TRPM3: variants seen among roughly 807,000 people sequenced by gnomAD.
TRPM3 encodes the protein long transient receptor potential channel 3.
TRPM3 carries 77 observed loss-of-function variants against 181.2 expected under a neutral mutation model. The observed-to-expected ratio is 0.42, with a 90% confidence interval of 0.35 to 0.51. TRPM3 has a LOEUF of 0.51. Among genes scored for constraint, TRPM3 ranks in the 20% least tolerant of loss-of-function variants. The pLI, the probability that TRPM3 is intolerant of heterozygous loss-of-function variation, is 0.01. For missense variants in TRPM3, 1,759 were observed against 2,196.7 expected, an observed-to-expected ratio of 0.80 and a Z score of 3.98; for synonymous variants, 745 against 796.4, an observed-to-expected ratio of 0.94 and a Z score of 1.09.
At chr9:71,392,090 A>G (rs1296429277) in intron 1 of TRPM3, among the ~76,000 whole-genome samples, 4 of 152,138 alleles carry the variant, frequency 2.6e-5, no homozygotes, top group African/African-American at 9.6e-5. Flanking sequence ...GCAGAAACTA[A>G]AAAGAGAAAA....
chr9:70,556,390 A>G lies in TRPM3; in HGVS notation c.3224-3080T>C, dbSNP rs190369402. On this transcript the variant is annotated intron_variant, in intron 22 of 25. Transcript: ENST00000677713. ...TTACTCATCCTGCTTTAACAGAGGT[A>G]GTATTAATTTAGTGGTTAGGAACAT... Among the ~76,000 whole-genome samples, 219 of 152,164 alleles carry G rather than the reference A, an allele frequency of 1.4e-3. 1 individual carries two copies. The highest frequency in any genetic ancestry group is 3.1e-4 in the Non-Finnish European group (21 of 68,012).
At chr9:70,830,355 G>T (rs1205629297) in intron 5 of TRPM3, among the ~76,000 whole-genome samples, 2 of 152,136 alleles carry the variant, frequency 1.3e-5, no homozygotes, top group African/African-American at 2.4e-5. Context: ...GTATTCTAAG[G>T]ACGTGGGTGC....
chr9:71,099,411 G>T (rs942985404), intron 1 of TRPM3, among the ~76,000 whole-genome samples: 2 of 152,102 alleles, frequency 1.3e-5, no homozygotes, highest in Admixed American at 6.6e-5. Context: ...GACCATATCA[G>T]TCAGTACTTG....
intron 3 of TRPM3, among the ~76,000 whole-genome samples, chr9:70,848,406 G>T (rs893299232): frequency 1.3e-5 from 2 of 152,114 alleles, no homozygotes; most frequent in Admixed American, 1.3e-4. Flanking sequence ...GAGATGATGG[G>T]GAGGAGGCAA....
At chr9:71,320,247 T>A (rs952588734) in intron 1 of TRPM3, among the ~76,000 whole-genome samples, 1 of 151,646 alleles carries the variant, frequency 6.6e-6, no homozygotes, top group African/African-American at 2.4e-5. Flanking sequence ...AGAACAGCAA[T>A]ACAGAGTGAA....
chr9:71,389,625 C>T (rs533439487), intron 1 of TRPM3, among the ~76,000 whole-genome samples: 6 of 152,056 alleles, frequency 3.9e-5, no homozygotes, highest in African/African-American at 1.4e-4. Flanking sequence ...CTGTGGTGTA[C>T]ATATATAAGA....
intron 1 of TRPM3, among the ~76,000 whole-genome samples, chr9:71,432,495 C>T (rs1418527636): frequency 7.7e-6 from 1 of 129,676 alleles, no homozygotes; most frequent in Non-Finnish European, 1.8e-5. Flanking sequence ...ACCTTCAAAG[C>T]AATGAGCTCT....
chr9:71,390,287 C>G (rs2093032074), intron 1 of TRPM3, among the ~76,000 whole-genome samples: 1 of 151,998 alleles, frequency 6.6e-6, no homozygotes, highest in East Asian at 1.9e-4. Context: ...AATGAATTTA[C>G]TATGTTTTTT....
At chr9:70,831,337 A>C (rs1460967889) in intron 5 of TRPM3, among the ~76,000 whole-genome samples, 1 of 152,144 alleles carries the variant, frequency 6.6e-6, no homozygotes, top group Admixed American at 6.5e-5. Flanking sequence ...CTTCTGAAAA[A>C]ATTTTGGAAG....
chr9:71,282,340 GAAAGA>G (rs1565418871), intron 1 of TRPM3, among the ~76,000 whole-genome samples: 1 of 93,640 alleles, frequency 1.1e-5, no homozygotes, highest in East Asian at 2.2e-4. Context: ...AAGAGAGAAA[GAAAGA>G]AAAGAAAGAA....
chr9:71,114,451 T>C (rs2071839281), intron 1 of TRPM3, among the ~76,000 whole-genome samples: 1 of 152,220 alleles, frequency 6.6e-6, no homozygotes, highest in Non-Finnish European at 1.5e-5. Context: ...CATTCTATTT[T>C]TTTCATATTA....
At position 71,013,666 on chromosome 9, in the gene TRPM3, A is replaced by C. The variant is rs983583022; in HGVS notation, c.177+107512T>G. Among the ~76,000 whole-genome samples the C allele has an allele frequency of 3.3e-5, 5 of 152,136 alleles. No individual in the cohort carries two copies. In the East Asian group the frequency reaches 9.7e-4, roughly 29 times the overall value. ...AATTTTGATAAATCATATTATCCTA[A>C]GAAATTACCCATTTCAGTTAGATTT... On this transcript the variant is annotated intron_variant, in intron 1 of 25. Coordinates refer to ENST00000677713, the MANE Select transcript of TRPM3 (RefSeq NM_001366145.2).
At chr9:71,004,405 T>C (rs1017812061) in intron 1 of TRPM3, among the ~76,000 whole-genome samples, 1 of 152,232 alleles carries the variant, frequency 6.6e-6, no homozygotes, top group Admixed American at 6.5e-5. Context: ...ATTCCAATGC[T>C]CACTGTAAGT....
At chr9:70,898,344 G>A (rs150493625) in intron 1 of TRPM3, among the ~76,000 whole-genome samples, 10,875 of 151,164 alleles carry the variant, frequency 0.072, 428 homozygotes, top group African/African-American at 0.088. Flanking sequence ...GGATGGTCTC[G>A]ATCTCCTGAC....
At chr9:70,751,508 T>C (rs2076127483) in intron 8 of TRPM3, among the ~76,000 whole-genome samples, 1 of 151,742 alleles carries the variant, frequency 6.6e-6, no homozygotes, top group Admixed American at 6.6e-5. Context: ...CTTCAAAAAA[T>C]GACACAAAGA....
At chr9:71,346,809 C>T (rs935821255) in intron 1 of TRPM3, among the ~76,000 whole-genome samples, 6 of 152,176 alleles carry the variant, frequency 3.9e-5, no homozygotes, top group Non-Finnish European at 8.8e-5. Flanking sequence ...GGTAGAAGTA[C>T]TATCTGCTTT....
At chr9:71,121,704 G>T (rs551524985), upstream of TRPM3, 230 of 964,110 alleles carry the variant, frequency 2.4e-4, no homozygotes, top group African/African-American at 3.7e-3. Context: ...TGCTAGCTTG[G>T]TTTGGGGGGG....
At position 70,607,240 on chromosome 9, in the gene TRPM3, G is replaced by C. The variant is rs553310928; in HGVS notation, c.2667+3369C>G. On this transcript the variant is annotated intron_variant, in intron 19 of 25. Transcript: ENST00000677713. The stretch of plus-strand genomic sequence containing the variant: ...CTTTCAGAAACTTGGGAGAGTAGGA[G>C]AGACCATTTTTGAAAATCTGGTGAG... Among the ~76,000 whole-genome samples the C allele has an allele frequency of 1.3e-4, 20 of 152,266 alleles. 1 individual carries two copies. In the South Asian group the frequency reaches 3.5e-3, roughly 27 times the overall value.
At chr9:70,629,584 A>T (rs1409850484) in intron 12 of TRPM3, among the ~76,000 whole-genome samples, 2 of 152,092 alleles carry the variant, frequency 1.3e-5, no homozygotes, top group African/African-American at 4.8e-5. Flanking sequence ...TGATCCACTC[A>T]TCTCGGCCTC....
Sources: allele counts gnomAD v4.1 joint callset (sites outside exome capture counted in the v4.1 genomes callset), GRCh38; gene constraint gnomAD v4.1.1; transcripts MANE v1.5; gene names NCBI Gene and HGNC (gene_info 2026-07-23, HGNC 2026-07-21).